Variants in KIN observed in about 807,000 individuals in gnomAD.
KIN encodes Kin17 DNA and RNA binding protein.
A neutral mutation model predicts 63.0 loss-of-function variants in KIN; 47 were observed. The ratio of observed to expected loss-of-function variants is 0.75; its 90% CI spans 0.59 to 0.95. The LOEUF (loss-of-function observed/expected upper bound fraction) is 0.95, where lower values mean the gene tolerates loss of function less well. Among genes scored for constraint, KIN ranks in the 40% least tolerant of loss-of-function variants. KIN has a pLI of 0.00. For synonymous variants in KIN, 160 were observed against 157.7 expected (o/e 1.01, Z -0.11); for missense variants, 408 against 460.9 (o/e 0.89, Z 1.05).
rs1291378859 is a variant in KIN, at chr10:7,759,984, C to T, written c.1025G>A (p.Arg342Lys). The T allele has an allele frequency of 2.8e-6, 4 of 1,453,248 alleles. No individual in the cohort carries two copies. The highest frequency in any genetic ancestry group is 2.4e-5 in the East Asian group (1 of 41,228). The allele number at this position is 1,453,248 out of a possible 1,614,324, so 90.0% of individuals were successfully genotyped here. Residue 342 changes from arginine to lysine, a missense_variant, in exon 12 of 13, where the codon AGA becomes AAA. By Grantham distance (26) the Arg-to-Lys change is conservative. This residue lies in a region of KIN where 298 missense variants were observed against 296.0 expected (regional missense o/e 1.01). Coordinates refer to ENST00000379562, the MANE Select transcript of KIN (RefSeq NM_012311.4). Reference sequence around the variant, plus strand: ...GTAGCCTCCATTTAAAACTAGAATTCTTTTTCCTATGATGGAAAAGAATAT... The same window carrying T: ...GTAGCCTCCATTTAAAACTAGAATTTTTTTTCCTATGATGGAAAAGAATAT... Reference protein sequence around the residue: ...LETVIPAPGKRILVLNGGYRG... With the variant: ...LETVIPAPGKKILVLNGGYRG...
At chr10:7,774,992 C>T (rs1835740493) in intron 6 of KIN, 101 bp from the exon 7 acceptor site, 1 of 837,260 alleles carries the variant, frequency 1.2e-6, no homozygotes, top group South Asian at 1.4e-5. Flanking sequence ...AACTCCAGGA[C>T]ATTTTCAATA....
chr10:7,782,559 C>T (rs907380787), intron 2 of KIN, among the ~76,000 whole-genome samples: 60 of 151,908 alleles, frequency 3.9e-4, no homozygotes, highest in African/African-American at 1.9e-4. Flanking sequence ...CCACCATGTC[C>T]GGCTAATTTT....
At chr10:7,763,701 A>G (rs370264032) in intron 10 of KIN, 22 bp downstream of exon 10, 37 of 1,356,090 alleles carry the variant, frequency 2.7e-5, no homozygotes, top group Non-Finnish European at 3.6e-5. Flanking sequence ...CACAAATTCC[A>G]TTCATAATTG....
chr10:7,774,714 C>G, intron 7 of KIN, 117 bp downstream of exon 7: 1 of 820,784 alleles, frequency 1.2e-6, no homozygotes, highest in Non-Finnish European at 1.9e-6. Flanking sequence ...CAATAAAAAC[C>G]AAAAACAGGT....
chr10:7,787,605 G>A (rs964843107), intron 1 of KIN, among the ~76,000 whole-genome samples: 1 of 152,186 alleles, frequency 6.6e-6, no homozygotes, highest in Non-Finnish European at 1.5e-5. Flanking sequence ...AGGAATGAGG[G>A]GTCGCAGAAC....
intron 2 of KIN, 22 bp from the exon 3 acceptor site, chr10:7,780,329 G>A (rs765364495): frequency 8.9e-6 from 14 of 1,570,632 alleles, no homozygotes; most frequent in Admixed American, 1.8e-5. Context: ...AGAAAGGAAA[G>A]CATTAAGGTA....
At chr10:7,784,807 A>G (rs1394936009) in intron 1 of KIN, among the ~76,000 whole-genome samples, 1 of 152,212 alleles carries the variant, frequency 6.6e-6, no homozygotes, top group Non-Finnish European at 1.5e-5. Flanking sequence ...ATTTCTAAGT[A>G]TTACCCCAAT....
At chr10:7,771,004 T>C (rs759815855) in intron 7 of KIN, among the ~76,000 whole-genome samples, 28 of 152,318 alleles carry the variant, frequency 1.8e-4, no homozygotes, top group Non-Finnish European at 3.2e-4. Flanking sequence ...TTTACCTTTG[T>C]AAAATTTTAC....
chr10:7,783,926 T>G (rs1835948098), intron 1 of KIN, among the ~76,000 whole-genome samples: 1 of 152,142 alleles, frequency 6.6e-6, no homozygotes, highest in African/African-American at 2.4e-5. Flanking sequence ...CTGATCAATC[T>G]CACTGACACC....
chr10:7,770,631 C>T (rs1010273489), intron 7 of KIN, among the ~76,000 whole-genome samples: 11 of 152,182 alleles, frequency 7.2e-5, no homozygotes, highest in African/African-American at 2.4e-4. Flanking sequence ...TCTTGTAACT[C>T]ACATTAAATA....
intron 11 of KIN, among the ~76,000 whole-genome samples, chr10:7,760,196 T>A (rs886770374): frequency 1.3e-5 from 2 of 152,158 alleles, no homozygotes; most frequent in African/African-American, 4.8e-5. Context: ...AGACTTCTCA[T>A]TTTTCCCCCA....
intron 12 of KIN, among the ~76,000 whole-genome samples, chr10:7,756,508 C>T (rs1036052250): frequency 1.3e-5 from 2 of 152,182 alleles, no homozygotes; most frequent in African/African-American, 2.4e-5. Context: ...ACGGTCCAGA[C>T]GTGCTATAAC....
intron 11 of KIN, among the ~76,000 whole-genome samples, chr10:7,760,980 A>G (rs1398017846): frequency 2.0e-5 from 3 of 152,246 alleles, no homozygotes; most frequent in Non-Finnish European, 4.4e-5. Context: ...ACACATTTAT[A>G]TTTATAGAAA....
intron 7 of KIN, among the ~76,000 whole-genome samples, chr10:7,770,419 T>C (rs913861502): frequency 1.3e-5 from 2 of 152,244 alleles, no homozygotes; most frequent in African/African-American, 2.4e-5. Flanking sequence ...ATACCTAAAA[T>C]AATCTCTCCT....
chr10:7,774,786 CA>C (rs747539900), intron 7 of KIN, 44 bp downstream of exon 7: 1 of 1,468,764 alleles, frequency 6.8e-7, no homozygotes, highest in Non-Finnish European at 9.5e-7. Flanking sequence ...CAATATTTCA[CA>C]AAAATCCTAA....
rs200833960 is a variant in KIN, at chr10:7,759,963, C to T, written c.1046G>A (p.Gly349Asp). 25 of 1,527,316 alleles carry T rather than the reference C, an allele frequency of 1.6e-5. No individual in the cohort carries two copies. Among genetic ancestry groups the T allele is most frequent in the Middle Eastern group, 1.7e-4 (1 of 5,874 alleles). The allele number at this position is 1,527,316 out of a possible 1,614,324, so 94.6% of individuals were successfully genotyped here. The change falls in exon 12 of 13, where the codon GGC becomes GAC. Residue 349 changes from glycine to aspartate, a missense_variant. By Grantham distance (94) the Gly-to-Asp change is moderately conservative. This residue lies in a region of KIN where 298 missense variants were observed against 296.0 expected (regional missense o/e 1.01). Transcript: ENST00000379562. ...PGKRILVLNGGYRGNEGTLES... is the reference protein window; with the variant it reads ...PGKRILVLNGDYRGNEGTLES... ...TAGGGTACCTTCATTTCCTCTGTAG[C>T]CTCCATTTAAAACTAGAATTCTTTT...
At chr10:7,761,742 C>A (rs1286835255) in intron 11 of KIN, among the ~76,000 whole-genome samples, 1 of 152,194 alleles carries the variant, frequency 6.6e-6, no homozygotes, top group Non-Finnish European at 1.5e-5. Context: ...TGGCTCAGGC[C>A]TGTAATTCCA....
intron 6 of KIN, among the ~76,000 whole-genome samples, chr10:7,775,503 G>A (rs1462496501): frequency 6.6e-6 from 1 of 152,090 alleles, no homozygotes; most frequent in East Asian, 1.9e-4. Context: ...CCTTACCTCT[G>A]GGATTCTTAT....
At chr10:7,756,800 G>A (rs1835341052) in intron 12 of KIN, among the ~76,000 whole-genome samples, 1 of 152,160 alleles carries the variant, frequency 6.6e-6, no homozygotes, top group Non-Finnish European at 1.5e-5. Context: ...GTCTAGGTTG[G>A]CTGTGATAGT....
Sources: allele counts gnomAD v4.1 joint callset (sites outside exome capture counted in the v4.1 genomes callset), GRCh38; gene constraint gnomAD v4.1.1; regional missense constraint gnomAD v4.1.1; transcripts MANE v1.5; gene names NCBI Gene and HGNC (gene_info 2026-07-23, HGNC 2026-07-21).